The following AKAP6 variants were observed in gnomAD, a reference collection of about 807,000 sequenced individuals.
AKAP6 encodes A-kinase anchor protein 6.
A neutral mutation model predicts 188.5 loss-of-function variants in AKAP6; 58 were observed. The observed-to-expected ratio is 0.31, with a 90% confidence interval of 0.25 to 0.38. The LOEUF (loss-of-function observed/expected upper bound fraction) is 0.38. Ranked by LOEUF, AKAP6 falls within the 10% of genes least tolerant of loss-of-function variation. AKAP6 has a pLI of 1.00. For missense variants in AKAP6, 2,710 were observed against 2,740.0 expected (o/e 0.99, Z 0.24); for synonymous variants, 989 against 998.6 (o/e 0.99, Z 0.18).
At chr14:32,634,972 C>T (rs572396904) in intron 7 of AKAP6, among the ~76,000 whole-genome samples, 6 of 151,588 alleles carry the variant, frequency 4.0e-5, no homozygotes, top group South Asian at 2.1e-4. Flanking sequence ...GCGGCGCTTT[C>T]TGAGATTTTG....
intron 8 of AKAP6, among the ~76,000 whole-genome samples, chr14:32,690,860 G>C (rs1890150392): frequency 6.6e-6 from 1 of 152,152 alleles, no homozygotes. Context: ...TTAAGATCAA[G>C]TGTATGGCAA....
intron 1 of AKAP6, among the ~76,000 whole-genome samples, chr14:32,383,969 G>A (rs938151829): frequency 5.8e-4 from 89 of 152,294 alleles, no homozygotes; most frequent in African/African-American, 1.9e-3. Flanking sequence ...ACACTCCAGT[G>A]TTCTCTGCTT....
chr14:32,504,851 T>G (rs1314428666), intron 2 of AKAP6, among the ~76,000 whole-genome samples: 1 of 152,202 alleles, frequency 6.6e-6, no homozygotes, highest in Non-Finnish European at 1.5e-5. Context: ...AGGCCTCAGC[T>G]CTGCTCCATG....
chr14:32,774,826 G>A (rs751105252), intron 12 of AKAP6, among the ~76,000 whole-genome samples: 17 of 152,012 alleles, frequency 1.1e-4, no homozygotes, highest in Non-Finnish European at 7.4e-5. Context: ...CTATAACTTT[G>A]GAAAGTTCAG....
At chr14:32,406,731 A>G (rs1394515107) in intron 1 of AKAP6, among the ~76,000 whole-genome samples, 2 of 152,116 alleles carry the variant, frequency 1.3e-5, no homozygotes, top group African/African-American at 4.8e-5. Context: ...AAAGAAAGAG[A>G]GTGAATCTAG....
chr14:32,558,029 T>C (rs1883767175), intron 4 of AKAP6, among the ~76,000 whole-genome samples: 1 of 152,178 alleles, frequency 6.6e-6, no homozygotes, highest in South Asian at 2.1e-4. Context: ...CTTTGAAATA[T>C]GTATCCAAAA....
chr14:32,721,777 A>C (rs1428466004), intron 9 of AKAP6, among the ~76,000 whole-genome samples: 1 of 152,132 alleles, frequency 6.6e-6, no homozygotes, highest in Non-Finnish European at 1.5e-5. Context: ...CAGTCTTGGC[A>C]TTTCTTTTAC....
intron 5 of AKAP6, among the ~76,000 whole-genome samples, chr14:32,592,170 A>C (rs1284899302): frequency 6.6e-6 from 1 of 152,220 alleles, no homozygotes; most frequent in African/African-American, 2.4e-5. Flanking sequence ...ATCTCCATGC[A>C]TTCATTTCCC....
chr14:32,425,897 G>A (rs1594601211), intron 1 of AKAP6, among the ~76,000 whole-genome samples: 1 of 152,114 alleles, frequency 6.6e-6, no homozygotes, highest in East Asian at 1.9e-4. Context: ...ATTGCTTTTG[G>A]TGTCTTCATC....
chr14:32,817,793 C>A (rs1485492122), intron 12 of AKAP6, among the ~76,000 whole-genome samples: 2 of 152,078 alleles, frequency 1.3e-5, no homozygotes, highest in Non-Finnish European at 2.9e-5. Context: ...AAAACAACAA[C>A]AACAAAAACA....
At chr14:32,617,192 C>G (rs947523860) in intron 7 of AKAP6, among the ~76,000 whole-genome samples, 1 of 152,166 alleles carries the variant, frequency 6.6e-6, no homozygotes, top group African/African-American at 2.4e-5. Context: ...TCTTCCTTTG[C>G]CATAGCCACA....
At chr14:32,827,959 A>G (rs564978007) in intron 13 of AKAP6, among the ~76,000 whole-genome samples, 2 of 152,122 alleles carry the variant, frequency 1.3e-5, no homozygotes, top group Admixed American at 6.5e-5. Flanking sequence ...GTTTTGTTTT[A>G]CTATGTGTAT....
At chr14:32,420,429 T>A (rs1406615286) in intron 1 of AKAP6, among the ~76,000 whole-genome samples, 2 of 151,150 alleles carry the variant, frequency 1.3e-5, no homozygotes, top group Admixed American at 1.3e-4. Context: ...TATGTCATGA[T>A]TTTGGGTTAT....
chr14:32,823,333 T>A lies in AKAP6; in HGVS notation c.5520T>A (p.Ser1840=). 1.2e-6 allele frequency: 2 copies of A among 1,613,924 alleles called. No individual in the cohort carries two copies. The highest frequency in any genetic ancestry group is 1.7e-6 in the Non-Finnish European group (2 of 1,179,926). ...GTAGCAGTGAGATGACCAATCCCTCTGATACTCTGAATATTGAGACCCTTC... is the reference window on the plus strand; with the variant it reads ...GTAGCAGTGAGATGACCAATCCCTCAGATACTCTGAATATTGAGACCCTTC... ...DISSSEMTNP[S]DTLNIETLLN... Residue 1840 remains serine (S), a synonymous_variant, in exon 13 of 14, where the codon TCT becomes TCA. Coordinates refer to ENST00000280979, the MANE Select transcript of AKAP6 (RefSeq NM_004274.5).
intron 7 of AKAP6, among the ~76,000 whole-genome samples, chr14:32,617,989 C>A (rs909900653): frequency 1.3e-5 from 2 of 151,972 alleles, no homozygotes; most frequent in Non-Finnish European, 2.9e-5. Flanking sequence ...TTGATTCATA[C>A]TCTTTGAGAT....
At chr14:32,788,518 A>G in intron 12 of AKAP6, among the ~76,000 whole-genome samples, 1 of 152,200 alleles carries the variant, frequency 6.6e-6, no homozygotes, top group Non-Finnish European at 1.5e-5. Context: ...GAATGAAGAA[A>G]AGCAGGGGGT....
At chr14:32,810,469 A>T (rs1240853302) in intron 12 of AKAP6, among the ~76,000 whole-genome samples, 1 of 152,142 alleles carries the variant, frequency 6.6e-6, no homozygotes. Flanking sequence ...GGATCTCAGG[A>T]TCCTAAGTGT....
At position 32,466,843 on chromosome 14, in the gene AKAP6, A is replaced by T. The variant is rs562064789; in HGVS notation, c.324+33026A>T. 3.7e-3 allele frequency among the ~76,000 whole-genome samples: 539 copies of T among 144,126 alleles called. 11 individuals carry two copies. Among genetic ancestry groups the T allele is most frequent in the African/African-American group, 0.014 (516 of 37,830 alleles). The allele number at this position is 144,126 out of a possible 152,430, so 94.6% of individuals were successfully genotyped here. A position where few individuals can be genotyped will look rare whatever the true frequency, so the allele number is the denominator to read the frequency against. On this transcript the variant is annotated intron_variant, in intron 2 of 13. Transcript: ENST00000280979. ...AAAACAAGATTATATATATATATATATATTTTCTTTCTTAGCAAGACTAAT... is the reference window on the plus strand; with the variant it reads ...AAAACAAGATTATATATATATATATTTATTTTCTTTCTTAGCAAGACTAAT...
intron 7 of AKAP6, among the ~76,000 whole-genome samples, chr14:32,665,220 T>C (rs990979577): frequency 2.6e-5 from 4 of 151,980 alleles, no homozygotes; most frequent in Admixed American, 6.6e-5. Context: ...ATCCCACAGA[T>C]TGATGGCTCA....
Sources: gnomAD v4.1 joint callset for allele counts (sites outside exome capture counted in the v4.1 genomes callset) on GRCh38, gnomAD v4.1.1 for gene constraint, MANE v1.5 for transcripts, NCBI Gene and HGNC (gene_info 2026-07-23, HGNC 2026-07-21) for gene names.